Variants in ATG2A observed in about 807,000 individuals in gnomAD.
The protein encoded by ATG2A is autophagy related 2A.
ATG2A carries 103 observed loss-of-function variants against 214.2 expected under a neutral mutation model. The observed-to-expected ratio is 0.48, with a 90% confidence interval of 0.41 to 0.57. ATG2A has a LOEUF of 0.57. ATG2A is among the 20% of genes least tolerant of loss of function. The pLI, the probability that ATG2A is intolerant of heterozygous loss-of-function variation, is 0.00. For synonymous variants in ATG2A, 1,160 were observed against 1,142.1 expected (o/e 1.02, Z -0.32); for missense variants, 2,312 against 2,613.2 (o/e 0.88, Z 2.51).
intron 14 of ATG2A, 104 bp from the exon 15 acceptor site, chr11:64,909,471 C>A (rs1944680407): frequency 7.2e-7 from 1 of 1,397,214 alleles, no homozygotes; most frequent in Non-Finnish European, 9.9e-7. Flanking sequence ...TCCACACACA[C>A]CTTGGTGGGC....
rs1565747841 is a variant in ATG2A at position 64,902,542 on chromosome 11, TG to T, written c.3750del (p.Ser1251AlafsTer87). ...TGDLHPPPRP[P>X]SPTEIAGQKL... ...TTCTGGCCGGCGATCTCCGTGGGGC[TG>T]GGGGGCCGGGGTGGGGGGTGCAGAT... On this transcript the variant is annotated frameshift_variant, in exon 27 of 41. Coordinates refer to ENST00000377264, the MANE Select transcript of ATG2A (RefSeq NM_015104.3). LOFTEE classifies it high-confidence loss of function. 3 of 640,022 alleles carry T rather than the reference TG, an allele frequency of 4.7e-6. No individual in the cohort carries two copies. The highest frequency in any genetic ancestry group is 2.6e-6 in the Non-Finnish European group (1 of 383,030). The allele number at this position is 640,022 out of a possible 1,614,324, so 39.6% of individuals were successfully genotyped here. A position where few individuals can be genotyped will look rare whatever the true frequency, so the allele number is the denominator to read the frequency against.
At position 64,917,172 on chromosome 11, in the gene ATG2A, C is replaced by G. The variant is rs1329723123; in HGVS notation, c.-37G>C. 1 of 1,553,844 alleles carries G rather than the reference C, an allele frequency of 6.4e-7. No homozygotes were observed. The highest frequency in any genetic ancestry group is 1.4e-5 in the African/African-American group (1 of 72,726). On this transcript the variant is annotated 5_prime_UTR_variant, in exon 1 of 41. Coordinates refer to ENST00000377264, the MANE Select transcript of ATG2A (RefSeq NM_015104.3). ...CCGGGCCTGGGCCGCCTCCGCTTGC[C>G]GCCCGCCGGCGATCCCCGTCCGGCT...
chr11:64,907,413 A>T lies in ATG2A; in HGVS notation c.2674T>A (p.Ser892Thr). 6.3e-7 allele frequency: 1 copy of T among 1,590,654 alleles called. No homozygotes were observed. The highest frequency in any genetic ancestry group is 2.3e-5 in the East Asian group (1 of 43,848). ...LANCFDLTPD[S>T]DSDDEDAHFF... is the part of the protein sequence containing the mutation. Reference sequence around the variant, plus strand: ...TGGGCATCCTCGTCATCCGAGTCCGAGTCTGGGGTGAGATCAAAGCAGTTG... The same window carrying T: ...TGGGCATCCTCGTCATCCGAGTCCGTGTCTGGGGTGAGATCAAAGCAGTTG... The change falls in exon 19 of 41, where the codon TCG (serine) becomes ACG (threonine). Residue 892 changes from serine to threonine, a missense_variant. Transcript: ENST00000377264.
rs1944835987 is a variant in ATG2A at position 64,913,026 on chromosome 11, C to T, written c.825+12G>A. On this transcript the variant is annotated intron_variant, in intron 6 of 40. Transcript: ENST00000377264. The surrounding 1 kb of genome is among the most constrained non-coding windows in gnomAD (Gnocchi z 4.3). ...GGGTACTCACCCCCTCCCCAGGGGC[C>T]TGGGGACCCACCTTGGGGCCAGGGA... The T allele has an allele frequency of 1.3e-6, 2 of 1,538,580 alleles. No individual in the cohort carries two copies. Among genetic ancestry groups the T allele is most frequent in the Non-Finnish European group, 8.8e-7 (1 of 1,141,586 alleles).
chr11:64,900,025 ATT>A (rs35952373), intron 31 of ATG2A, among the ~76,000 whole-genome samples: 4,543 of 120,074 alleles, frequency 0.038, 190 homozygotes, highest in African/African-American at 0.11. Flanking sequence ...CAAATGGTTA[ATT>A]TTTTTTTTTT....
rs543543545 is a variant in ATG2A at position 64,895,624 on chromosome 11, C to T, written c.5428-182G>A. On this transcript the variant is annotated intron_variant, in intron 39 of 40. Coordinates refer to ENST00000377264, the MANE Select transcript of ATG2A (RefSeq NM_015104.3). The surrounding 1 kb of genome is among the most constrained non-coding windows in gnomAD (Gnocchi z 5.0). ...CCACTCTTCCTCCCCTTCCTAGGCA[C>T]CTGCCACTCTGCTGAGGGAACCTAG... 3.6e-4 allele frequency among the ~76,000 whole-genome samples: 55 copies of T among 152,272 alleles called. No individual in the cohort carries two copies. Among genetic ancestry groups the T allele is most frequent in the Non-Finnish European group, 4.1e-4 (28 of 67,988 alleles).
At chr11:64,897,320 T>A in intron 37 of ATG2A, 92 bp downstream of exon 37, 1 of 1,431,342 alleles carries the variant, frequency 7.0e-7, no homozygotes, top group South Asian at 1.2e-5. Context: ...CTGAGAAGGG[T>A]GATGACTTGG....
At chr11:64,909,248 C>T in intron 15 of ATG2A, 23 bp downstream of exon 15, 1 of 1,612,998 alleles carries the variant, frequency 6.2e-7, no homozygotes, top group Non-Finnish European at 8.5e-7. Flanking sequence ...CTCTCCTGGG[C>T]CCAGTCCAGA....
chr11:64,910,378 C>A (rs772466311), intron 12 of ATG2A, among the ~76,000 whole-genome samples, 183 bp from the exon 13 acceptor site: 2 of 152,218 alleles, frequency 1.3e-5, no homozygotes, highest in African/African-American at 4.8e-5. Flanking sequence ...ACCCGACATG[C>A]GCCACTCTTA....
At position 64,895,238 on chromosome 11, in the gene ATG2A, CTGTG is replaced by C. The variant is rs765819718; in HGVS notation, c.5581-33_5581-30del. On this transcript the variant is annotated intron_variant, in intron 40 of 40. Transcript: ENST00000377264. This position sits in a 1 kb window ranked among gnomAD's most constrained non-coding sequence, Gnocchi z 5.0. ...TGGAAGCCAGAGGTCAGGGCGGGGT[CTGTG>C]TGAGGAGATGGGCATGGGGGACTGG... 9 of 1,613,026 alleles carry C rather than the reference CTGTG, an allele frequency of 5.6e-6. No homozygotes were observed. In the East Asian group the frequency reaches 8.9e-5, roughly 16 times the overall value.
chr11:64,901,153 C>A, intron 29 of ATG2A, 61 bp from the exon 30 acceptor site: 1 of 1,482,096 alleles, frequency 6.7e-7, no homozygotes, highest in Non-Finnish European at 9.1e-7. Flanking sequence ...CTGCCCCCAG[C>A]CCCAGCAACC....
At chr11:64,909,567 AG>A (rs1944684222) in intron 14 of ATG2A, 113 bp downstream of exon 14, 1 of 1,521,988 alleles carries the variant, frequency 6.6e-7, no homozygotes, top group Admixed American at 1.9e-5. Context: ...GAGCTGGTAA[AG>A]GCCTGGGCCA....
rs1204791704 is a variant in ATG2A, at chr11:64,903,539, C to T, written c.3535+51G>A. 6.6e-6 allele frequency: 10 copies of T among 1,513,572 alleles called. No homozygotes were observed. Among genetic ancestry groups the T allele is most frequent in the Non-Finnish European group, 8.9e-6 (10 of 1,124,216 alleles). The allele number at this position is 1,513,572 out of a possible 1,614,324, so 93.8% of individuals were successfully genotyped here. ...GACACCTGGCTGCTCTGGGTGTGGC[C>T]GGGGCGGTGGTCCCTCAGAGGGGAG... is the stretch of plus-strand genomic sequence containing the variant. On this transcript the variant is annotated intron_variant, in intron 25 of 40. Coordinates refer to ENST00000377264, the MANE Select transcript of ATG2A (RefSeq NM_015104.3). The surrounding 1 kb of genome is among the most constrained non-coding windows in gnomAD (Gnocchi z 4.2).
At chr11:64,906,911 G>A (rs1312925781) in intron 19 of ATG2A, 96 bp from the exon 20 acceptor site, 2 of 1,421,398 alleles carry the variant, frequency 1.4e-6, no homozygotes, top group South Asian at 1.3e-5. Flanking sequence ...GGCCTAAGGG[G>A]GTCAGCTCCA....
chr11:64,914,041 G>A (rs903119851), intron 3 of ATG2A, 40 bp downstream of exon 3: 6 of 1,542,498 alleles, frequency 3.9e-6, no homozygotes, highest in Non-Finnish European at 5.3e-6. Context: ...GTGTGCCACT[G>A]AAGGGCAGGA....
Position 64,910,159 on chromosome 11 carries a change from A to C in ATG2A, c.1744T>G (p.Ser582Ala), listed in dbSNP as rs1334690564. 1.2e-6 allele frequency: 2 copies of C among 1,609,986 alleles called. No homozygotes were observed. The highest frequency in any genetic ancestry group is 2.7e-5 in the African/African-American group (2 of 74,788). Reference protein sequence around the residue: ...PRRSVACHCHSELALDLANFQ... With the variant: ...PRRSVACHCHAELALDLANFQ... ...TTGGCCAGGTCCAGGGCCAGTTCTG[A>C]GTGGCAATGGCAGGCAACTGAGCGC... Residue 582 changes from serine to alanine, a missense_variant, in exon 13 of 41, where the codon TCA becomes GCA. Coordinates refer to ENST00000377264, the MANE Select transcript of ATG2A (RefSeq NM_015104.3).
rs764473540 is a variant in ATG2A, at chr11:64,907,929, T to C, written c.2365-39A>G. On this transcript the variant is annotated intron_variant, in intron 16 of 40. Coordinates refer to ENST00000377264, the MANE Select transcript of ATG2A (RefSeq NM_015104.3). ...GGTGGAAAGAGCAGGAGAGTCATCT[T>C]AGAGACGCTGGCTGGGGCCTGTCTC... The C allele has an allele frequency of 9.4e-6, 15 of 1,593,284 alleles. No homozygotes were observed. The East Asian group carries it at 1.6e-4, about 17-fold the overall frequency.
rs765062881 is a variant in ATG2A at position 64,894,923 on chromosome 11, G to T, written c.*50C>A. 4 of 1,599,220 alleles carry T rather than the reference G, an allele frequency of 2.5e-6. 1 individual carries two copies. The Admixed American group carries it at 6.7e-5, about 27-fold the overall frequency. ...GGCCCGTGGGCTGCAGCTCTTGGGAGGCTCAGGAGCATGGTGGGCAGCACC... is the reference window on the plus strand; with the variant it reads ...GGCCCGTGGGCTGCAGCTCTTGGGATGCTCAGGAGCATGGTGGGCAGCACC... On this transcript the variant is annotated 3_prime_UTR_variant, in exon 41 of 41. Coordinates refer to ENST00000377264, the MANE Select transcript of ATG2A (RefSeq NM_015104.3).
chr11:64,899,611 C>T (rs1944279639), intron 31 of ATG2A, among the ~76,000 whole-genome samples: 1 of 152,138 alleles, frequency 6.6e-6, no homozygotes, highest in African/African-American at 2.4e-5. Flanking sequence ...AAACCTTGAA[C>T]CCTCTGTACC....
Sources: gnomAD v4.1 joint callset for allele counts (sites outside exome capture counted in the v4.1 genomes callset) on GRCh38, gnomAD v4.1.1 for gene constraint, Gnocchi (gnomAD v3.1) non-coding constraint, MANE v1.5 for transcripts, NCBI Gene and HGNC (gene_info 2026-07-23, HGNC 2026-07-21) for gene names.